Variants in TSPAN18 observed in about 807,000 individuals in gnomAD.
The protein encoded by TSPAN18 is tetraspanin-18.
A neutral mutation model predicts 27.3 loss-of-function variants in TSPAN18; 14 were observed. The ratio of observed to expected loss-of-function variants is 0.51; its 90% CI spans 0.34 to 0.80. The LOEUF (loss-of-function observed/expected upper bound fraction) is 0.80, where lower values mean the gene tolerates loss of function less well. Among genes scored for constraint, TSPAN18 ranks in the 30% least tolerant of loss-of-function variants. The pLI is 0.01. For missense variants in TSPAN18, 268 were observed against 323.9 expected (o/e 0.83, Z 1.32); for synonymous variants, 143 against 136.5 (o/e 1.05, Z -0.33).
intron 3 of TSPAN18, among the ~76,000 whole-genome samples, chr11:44,870,100 A>G (rs1443084224): frequency 6.6e-6 from 1 of 152,198 alleles, no homozygotes; most frequent in Non-Finnish European, 1.5e-5. Flanking sequence ...TAGAGGTATA[A>G]TTTACACACC....
intron 1 of TSPAN18, among the ~76,000 whole-genome samples, chr11:44,755,124 C>G (rs1201306110): frequency 6.6e-6 from 1 of 152,108 alleles, no homozygotes; most frequent in Non-Finnish European, 1.5e-5. Context: ...TTGGGACATT[C>G]CCTCCCTCCC....
chr11:44,821,105 A>G (rs1387427414), intron 2 of TSPAN18, among the ~76,000 whole-genome samples: 1 of 152,186 alleles, frequency 6.6e-6, no homozygotes, highest in Non-Finnish European at 1.5e-5. Flanking sequence ...TAAAATGTTA[A>G]CTTTTAGGGT....
intron 8 of TSPAN18, among the ~76,000 whole-genome samples, chr11:44,924,200 G>A (rs770594263): frequency 2.0e-5 from 3 of 151,852 alleles, no homozygotes; most frequent in Non-Finnish European, 2.9e-5. Flanking sequence ...CTAAGAGAGC[G>A]GCACAGAGAG....
intron 3 of TSPAN18, among the ~76,000 whole-genome samples, chr11:44,883,744 G>A (rs1044268868): frequency 6.6e-6 from 1 of 152,190 alleles, no homozygotes; most frequent in African/African-American, 2.4e-5. Flanking sequence ...TCTGCTCCAC[G>A]CTTTGCCCTA....
rs117619417 is a variant in TSPAN18 at position 44,730,316 on chromosome 11, G to A, written c.-240+3029G>A. On this transcript the variant is annotated intron_variant, in intron 1 of 9. Coordinates refer to ENST00000520358, the MANE Select transcript of TSPAN18 (RefSeq NM_130783.5). Reference sequence around the variant, plus strand: ...ACTCTTCTTGGGAAGAGCCCTTTCAGTTCCTGGGGTGCAGGTTTTAGGGAC... The same window carrying A: ...ACTCTTCTTGGGAAGAGCCCTTTCAATTCCTGGGGTGCAGGTTTTAGGGAC... Among the ~76,000 whole-genome samples, 552 of 152,312 alleles carry A rather than the reference G, an allele frequency of 3.6e-3. 3 individuals are homozygous for A. The highest frequency in any genetic ancestry group is 3.7e-3 in the Non-Finnish European group (255 of 68,020).
chr11:44,815,402 C>T (rs926877558), intron 2 of TSPAN18, among the ~76,000 whole-genome samples: 2 of 152,202 alleles, frequency 1.3e-5, no homozygotes, highest in Admixed American at 1.3e-4. Flanking sequence ...CTGATCAGCC[C>T]TTCCTCAGGG....
intron 2 of TSPAN18, among the ~76,000 whole-genome samples, chr11:44,798,799 T>C (rs900140577): frequency 2.0e-5 from 3 of 152,110 alleles, no homozygotes; most frequent in Non-Finnish European, 2.9e-5. Context: ...GGGTTTAGAG[T>C]TTCCAGTTTG....
rs919003457 is a variant in TSPAN18 at position 44,740,293 on chromosome 11, G to A, written c.-240+13006G>A. Among the ~76,000 whole-genome samples the A allele has an allele frequency of 2.6e-5, 4 of 152,222 alleles. No individual in the cohort carries two copies. In the East Asian group the frequency reaches 7.7e-4, roughly 29 times the overall value. On this transcript the variant is annotated intron_variant, in intron 1 of 9. Coordinates refer to ENST00000520358, the MANE Select transcript of TSPAN18 (RefSeq NM_130783.5). ...CGGGAGACCCGTGGGTCAGGACAGA[G>A]GGCATCTCTACCTTCCTCCATTGTG...
chr11:44,881,750 T>G (rs1858494990), intron 3 of TSPAN18, among the ~76,000 whole-genome samples: 1 of 152,046 alleles, frequency 6.6e-6, no homozygotes, highest in Admixed American at 6.5e-5. Flanking sequence ...GGTTGGTGAA[T>G]TCAGACCAGG....
intron 2 of TSPAN18, among the ~76,000 whole-genome samples, chr11:44,768,330 A>G (rs977780698): frequency 1.3e-5 from 2 of 152,166 alleles, no homozygotes; most frequent in African/African-American, 4.8e-5. Context: ...TATTAGATTT[A>G]TTCTCAAGTA....
At chr11:44,817,261 A>C (rs1283899558) in intron 2 of TSPAN18, among the ~76,000 whole-genome samples, 1 of 152,228 alleles carries the variant, frequency 6.6e-6, no homozygotes, top group Non-Finnish European at 1.5e-5. Context: ...TCAGAGTAAA[A>C]TGGGATTTAT....
At chr11:44,917,726 G>T (rs1398433845) in intron 5 of TSPAN18, 2 of 545,756 alleles carry the variant, frequency 3.7e-6, no homozygotes, top group East Asian at 6.1e-5. Context: ...CTCTCTAAGG[G>T]TACCATTTGC....
At chr11:44,738,810 C>T (rs1427358572) in intron 1 of TSPAN18, among the ~76,000 whole-genome samples, 3 of 152,194 alleles carry the variant, frequency 2.0e-5, no homozygotes, top group Non-Finnish European at 4.4e-5. Flanking sequence ...CACAATTTAG[C>T]CGGTAACATC....
At chr11:44,761,229 A>G (rs1047015571) in intron 1 of TSPAN18, among the ~76,000 whole-genome samples, 4 of 152,214 alleles carry the variant, frequency 2.6e-5, no homozygotes, top group Non-Finnish European at 4.4e-5. Flanking sequence ...GCCCAAGACT[A>G]ATCGGGTCAA....
chr11:44,897,480 A>C (rs1041175997), intron 3 of TSPAN18, among the ~76,000 whole-genome samples: 5 of 152,216 alleles, frequency 3.3e-5, no homozygotes, highest in African/African-American at 7.2e-5. Flanking sequence ...CATGAAGCCC[A>C]TGCTAGAATC....
intron 3 of TSPAN18, among the ~76,000 whole-genome samples, chr11:44,873,117 G>A (rs1452856992): frequency 6.6e-6 from 1 of 152,238 alleles, no homozygotes; most frequent in African/African-American, 2.4e-5. Flanking sequence ...ACAGTATGTG[G>A]TTGTGGGTTG....
chr11:44,916,393 G>T (rs567833938), intron 5 of TSPAN18, among the ~76,000 whole-genome samples: 120 of 152,258 alleles, frequency 7.9e-4, no homozygotes, highest in Admixed American at 2.3e-3. Context: ...GAGCATCTGT[G>T]AGGAGGCCAG....
chr11:44,765,572 A>G (rs1020446564), intron 2 of TSPAN18, among the ~76,000 whole-genome samples: 2 of 152,184 alleles, frequency 1.3e-5, no homozygotes, highest in African/African-American at 4.8e-5. Context: ...TCATCTTGCC[A>G]CTATGATCAC....
In TSPAN18 at chr11:44,907,616, C is replaced by A. The variant is rs181237246; in HGVS notation, c.63+1137C>A. ...TCCAAGCCGGGTGACCCTGAGCCAGCTCATCCTTCCTCCAGCCCCAGTGTT... is the reference window on the plus strand; with the variant it reads ...TCCAAGCCGGGTGACCCTGAGCCAGATCATCCTTCCTCCAGCCCCAGTGTT... On this transcript the variant is annotated intron_variant, in intron 4 of 9. Transcript: ENST00000520358. Among the ~76,000 whole-genome samples, 182 of 152,352 alleles carry A rather than the reference C, an allele frequency of 1.2e-3. 1 individual carries two copies. The highest frequency in any genetic ancestry group is 2.7e-3 in the South Asian group (13 of 4,824).
Sources: allele counts gnomAD v4.1 joint callset (sites outside exome capture counted in the v4.1 genomes callset), GRCh38; gene constraint gnomAD v4.1.1; transcripts MANE v1.5; gene names NCBI Gene and HGNC (gene_info 2026-07-23, HGNC 2026-07-21).